RBM38: variants seen among roughly 807,000 people sequenced by gnomAD.
RBM38 encodes RNA-binding protein 38.
Under a neutral mutation model 23.5 loss-of-function variants are expected in RBM38, and 11 were observed. That is an observed-to-expected ratio of 0.47 (90% CI 0.29 to 0.77). The LOEUF is 0.77. Among genes scored for constraint, RBM38 ranks in the 30% least tolerant of loss-of-function variants. RBM38 has a pLI of 0.08. For synonymous variants in RBM38, 165 were observed against 166.1 expected, an observed-to-expected ratio of 0.99 and a Z score of 0.05; for missense variants, 330 against 351.9, an observed-to-expected ratio of 0.94 and a Z score of 0.50.
chr20:57,395,277 G>A (rs2426714), intron 3 of RBM38, among the ~76,000 whole-genome samples: 78,880 of 151,680 alleles, frequency 0.52, 24,568 homozygotes, highest in East Asian at 0.96. Flanking sequence ...ATAGACGTCC[G>A]GGAGGAGATT....
intron 3 of RBM38, among the ~76,000 whole-genome samples, chr20:57,396,917 G>T (rs1357942743): frequency 1.3e-5 from 2 of 152,216 alleles, no homozygotes; most frequent in Non-Finnish European, 2.9e-5. Context: ...CAGAAAAATG[G>T]AAGTTTTCAC....
Position 57,408,074 on chromosome 20 carries a change from G to C in RBM38, c.*228G>C, listed in dbSNP as rs921543965. 10 of 604,472 alleles carry C rather than the reference G, an allele frequency of 1.7e-5. 1 individual carries two copies. Among genetic ancestry groups the C allele is most frequent in the Admixed American group, 1.2e-4 (4 of 33,450 alleles). 37.4% of individuals were successfully genotyped at this position (604,472 alleles called of 1,614,324 possible). A position where few individuals can be genotyped will look rare whatever the true frequency, so the allele number is the denominator to read the frequency against. ...TTGAGGGAGGACTTTAAGAATGACT[G>C]AGAACTATTTAAAGACGCAATCCCA... On this transcript the variant is annotated 3_prime_UTR_variant, in exon 4 of 4. Coordinates refer to ENST00000356208, the MANE Select transcript of RBM38 (RefSeq NM_017495.6).
chr20:57,392,287 C>G (rs886284583), intron 1 of RBM38: 3 of 570,608 alleles, frequency 5.3e-6, no homozygotes, highest in Admixed American at 6.0e-5. Context: ...ACCTTCCAAG[C>G]ATAGCGTCGC....
chr20:57,394,136 C>T (rs1356680284), intron 3 of RBM38, among the ~76,000 whole-genome samples: 1 of 152,188 alleles, frequency 6.6e-6, no homozygotes, highest in Non-Finnish European at 1.5e-5. Flanking sequence ...ACCACCACCC[C>T]TTTCAGGGCA....
At chr20:57,403,065 T>C (rs1006727855) in intron 3 of RBM38, among the ~76,000 whole-genome samples, 1 of 152,176 alleles carries the variant, frequency 6.6e-6, no homozygotes, top group Non-Finnish European at 1.5e-5. Context: ...CCTCGACCCC[T>C]AATGTCAGCA....
At chr20:57,402,510 C>CAGG (rs552815080) in intron 3 of RBM38, among the ~76,000 whole-genome samples, 73 of 152,322 alleles carry the variant, frequency 4.8e-4, no homozygotes, top group Middle Eastern at 3.4e-3. Context: ...CCACCAGGGC[C>CAGG]AGGCAGACAC....
rs1346990683 is a variant in RBM38 at position 57,392,647 on chromosome 20, C to T, written c.238-7C>T. ...CGGCAGCCCCTGATGTGTCTCTGCT[C>T]CACCAGGTGACCATGGCCGACCGGG... On this transcript the variant is annotated splice_polypyrimidine_tract_variant and splice_region_variant and intron_variant, in intron 1 of 3. Coordinates refer to ENST00000356208, the MANE Select transcript of RBM38 (RefSeq NM_017495.6). 3 of 1,610,484 alleles carry T rather than the reference C, an allele frequency of 1.9e-6. No homozygotes were observed. The highest frequency in any genetic ancestry group is 2.5e-6 in the Non-Finnish European group (3 of 1,178,868).
intron 3 of RBM38, chr20:57,399,986 C>T (rs1385815842): frequency 1.3e-5 from 6 of 456,152 alleles, no homozygotes; most frequent in African/African-American, 6.0e-5. Context: ...CTTTTCGCTG[C>T]GAGTTCTGCT....
At position 57,407,761 on chromosome 20, in the gene RBM38, C is replaced by A. The variant is rs1065290; in HGVS notation, c.635C>A (p.Pro212His). The change falls in exon 4 of 4, where the codon CCC (proline) becomes CAC (histidine). Residue 212 changes from proline (P) to histidine (H), a missense_variant. Pro to His is a moderately conservative substitution (Grantham distance 77, BLOSUM62 -2). This residue lies in a region of RBM38 where 227 missense variants were observed against 216.4 expected (regional missense o/e 1.05). Transcript: ENST00000356208. This position sits in a 1 kb window ranked among gnomAD's most constrained non-coding sequence, Gnocchi z 4.0. ...FVGYSYPAAVPQALSAAAPAG... is the reference protein window; with the variant it reads ...FVGYSYPAAVHQALSAAAPAG... ...GGCTACAGCTACCCTGCCGCCGTGCCCCAGGCCCTCTCAGCCGCAGCACCC... is the reference window on the plus strand; with the variant it reads ...GGCTACAGCTACCCTGCCGCCGTGCACCAGGCCCTCTCAGCCGCAGCACCC... 1 of 1,609,968 alleles carries A rather than the reference C, an allele frequency of 6.2e-7. No homozygotes were observed.
rs1420898449 is a variant in RBM38 at position 57,407,340 on chromosome 20, G to C, written c.417-203G>C. ...GAGAAGGAGACATGGAGTGGAGGAG[G>C]GAGCCTGGTGGTTAGTGCAGACAGT... On this transcript the variant is annotated intron_variant, in intron 3 of 3. Transcript: ENST00000356208. The surrounding 1 kb of genome is among the most constrained non-coding windows in gnomAD (Gnocchi z 4.0). Among the ~76,000 whole-genome samples, 1 of 152,202 alleles carries C rather than the reference G, an allele frequency of 6.6e-6. No homozygotes were observed. Among genetic ancestry groups the C allele is most frequent in the African/African-American group, 2.4e-5 (1 of 41,452 alleles).
At position 57,391,707 on chromosome 20, in the gene RBM38, G is replaced by C; in HGVS notation, c.126G>C (p.Pro42=). 6.5e-7 allele frequency: 1 copy of C among 1,528,588 alleles called. No individual in the cohort carries two copies. The highest frequency in any genetic ancestry group is 1.4e-5 in the African/African-American group (1 of 70,892). The allele number at this position is 1,528,588 out of a possible 1,614,324, so 94.7% of individuals were successfully genotyped here. A position where few individuals can be genotyped will look rare whatever the true frequency, so the allele number is the denominator to read the frequency against. ...CCAAGATCTTCGTGGGCGGCCTGCCGTACCACACTACCGACGCCTCGCTCA... is the reference window on the plus strand; with the variant it reads ...CCAAGATCTTCGTGGGCGGCCTGCCCTACCACACTACCGACGCCTCGCTCA... ...TFTKIFVGGL[P]YHTTDASLRK... is the part of the protein sequence containing the mutation. The change falls in exon 1 of 4, where the codon CCG becomes CCC. Residue 42 remains proline, a synonymous_variant. Transcript: ENST00000356208.
chr20:57,392,612 G>GT (rs2067231719), intron 1 of RBM38, 42 bp from the exon 2 acceptor site: 2 of 1,582,842 alleles, frequency 1.3e-6, no homozygotes, highest in Non-Finnish European at 1.7e-6. Flanking sequence ...TTCGCCCCTG[G>GT]TTCCCCCCAC....
At chr20:57,398,785 C>G (rs963173476) in intron 3 of RBM38, among the ~76,000 whole-genome samples, 1 of 152,258 alleles carries the variant, frequency 6.6e-6, no homozygotes, top group Non-Finnish European at 1.5e-5. Context: ...ACAGCTTTGT[C>G]TCAGGGTAGA....
intron 3 of RBM38, among the ~76,000 whole-genome samples, chr20:57,396,888 C>T (rs1600748272): frequency 1.3e-5 from 2 of 152,240 alleles, no homozygotes; most frequent in African/African-American, 4.8e-5. Context: ...CCAGTACGAA[C>T]TGCCTCTGTC....
At chr20:57,400,472 G>A (rs2067316192) in intron 3 of RBM38, among the ~76,000 whole-genome samples, 1 of 152,160 alleles carries the variant, frequency 6.6e-6, no homozygotes, top group Non-Finnish European at 1.5e-5. Flanking sequence ...CCCTAATGGT[G>A]GCCCGTTTCA....
chr20:57,402,752 G>A (rs953972750), intron 3 of RBM38, among the ~76,000 whole-genome samples: 5 of 152,254 alleles, frequency 3.3e-5, no homozygotes, highest in African/African-American at 7.2e-5. Context: ...GTGCAGGGCC[G>A]GTGGTTTGGC....
chr20:57,407,573 C>T lies in RBM38; in HGVS notation c.447C>T (p.Ala149=). The change falls in exon 4 of 4, where the codon GCC becomes GCT. Residue 149 remains alanine (A), a synonymous_variant. Transcript: ENST00000356208. This position sits in a 1 kb window ranked among gnomAD's most constrained non-coding sequence, Gnocchi z 4.0. The stretch of plus-strand genomic sequence containing the variant: ...CCCCGCACTACATCTACCCACCAGC[C>T]ATCGTGCAGCCCAGCGTGGTGATCC... ...GLTPHYIYPP[A]IVQPSVVIPA... is the part of the protein sequence containing the mutation. The T allele has an allele frequency of 1.2e-6, 2 of 1,613,782 alleles. No individual in the cohort carries two copies. The highest frequency in any genetic ancestry group is 1.7e-6 in the Non-Finnish European group (2 of 1,179,844).
chr20:57,402,259 C>T (rs1305632200), intron 3 of RBM38, among the ~76,000 whole-genome samples: 1 of 152,208 alleles, frequency 6.6e-6, no homozygotes, highest in East Asian at 1.9e-4. Flanking sequence ...GCTCCAACTG[C>T]TGCTGGGTGA....
intron 2 of RBM38, 113 bp downstream of exon 2, chr20:57,392,890 C>G (rs999633392): frequency 5.7e-6 from 8 of 1,412,034 alleles, no homozygotes; most frequent in African/African-American, 1.4e-5. Context: ...AGTCGGCTAT[C>G]ATGTGCCTGC....
Sources: allele counts gnomAD v4.1 joint callset (sites outside exome capture counted in the v4.1 genomes callset), GRCh38; gene constraint gnomAD v4.1.1; regional missense constraint gnomAD v4.1.1; non-coding constraint Gnocchi (gnomAD v3.1); transcripts MANE v1.5; gene names NCBI Gene and HGNC (gene_info 2026-07-23, HGNC 2026-07-21).